The following PDHX variants were observed in gnomAD, a reference collection of about 807,000 sequenced individuals.
PDHX encodes the protein pyruvate dehydrogenase protein X component, mitochondrial.
In PDHX, 33 loss-of-function variants were observed where a neutral mutation model predicts 55.3. The observed-to-expected ratio is 0.60, with a 90% CI of 0.45 to 0.80. The LOEUF is 0.80. Ranked by LOEUF, PDHX falls within the 30% of genes least tolerant of loss-of-function variation. The pLI, the probability that PDHX is intolerant of heterozygous loss-of-function variation, is 0.00. For synonymous variants in PDHX, 226 were observed against 219.4 expected (o/e 1.03, Z -0.27); for missense variants, 622 against 619.9 (o/e 1.00, Z -0.04).
At position 34,942,639 on chromosome 11, in the gene PDHX, C is replaced by G. The variant is rs559283866; in HGVS notation, c.242-4867C>G. On this transcript the variant is annotated intron_variant, in intron 2 of 10. Coordinates refer to ENST00000227868, the MANE Select transcript of PDHX (RefSeq NM_003477.3). ...AAATATTCATGGCTCATTATTTGCT[C>G]TCAGAGTTTTCTTTTGGCATTTACA... 1.2e-3 allele frequency among the ~76,000 whole-genome samples: 180 copies of G among 152,252 alleles called. 3 individuals carry two copies. The highest frequency in any genetic ancestry group is 5.6e-3 in the South Asian group (27 of 4,832).
At chr11:34,986,281 G>A (rs1855639735) in intron 9 of PDHX, among the ~76,000 whole-genome samples, 1 of 148,000 alleles carries the variant, frequency 6.8e-6, no homozygotes, top group African/African-American at 2.5e-5. Flanking sequence ...ACTGCAGCCT[G>A]GATGACAGAG....
chr11:34,960,252 A>G (rs1223125576), intron 4 of PDHX, among the ~76,000 whole-genome samples, 168 bp from the exon 5 acceptor site: 1 of 152,250 alleles, frequency 6.6e-6, no homozygotes, highest in Non-Finnish European at 1.5e-5. Context: ...TAAAGAATAA[A>G]ATAAACCAAA....
chr11:34,977,938 A>G, intron 7 of PDHX, 186 bp from the exon 8 acceptor site: 1 of 606,336 alleles, frequency 1.6e-6, no homozygotes, highest in Middle Eastern at 3.2e-4. Flanking sequence ...AATATTATTG[A>G]TCCAGGACCT....
chr11:34,992,359 A>G lies in PDHX; in HGVS notation c.1227A>G (p.Glu409=). Residue 409 remains glutamate (E), a synonymous_variant, in exon 10 of 11, where the codon GAA becomes GAG. Coordinates refer to ENST00000227868, the MANE Select transcript of PDHX (RefSeq NM_003477.3). The stretch of plus-strand genomic sequence containing the variant: ...GAGATGGAAAATTGTTGCCTGAAGA[A>G]TACCAAGGAGGATCTTTTAGGTAAA... ...KARDGKLLPE[E]YQGGSFSISN... The G allele has an allele frequency of 6.3e-7, 1 of 1,595,880 alleles. No homozygotes were observed. Among genetic ancestry groups the G allele is most frequent in the Non-Finnish European group, 8.6e-7 (1 of 1,164,000 alleles).
intron 7 of PDHX, among the ~76,000 whole-genome samples, chr11:34,971,831 A>G (rs1251447592): frequency 6.6e-6 from 1 of 152,050 alleles, no homozygotes; most frequent in Non-Finnish European, 1.5e-5. Flanking sequence ...AAGAGTTTGG[A>G]TACAATTGGT....
At chr11:34,955,039 T>C (rs1433104140) in intron 3 of PDHX, among the ~76,000 whole-genome samples, 2 of 152,206 alleles carry the variant, frequency 1.3e-5, no homozygotes, top group African/African-American at 4.8e-5. Context: ...TAGAGCTATG[T>C]GTAAAAACCC....
At chr11:34,927,228 G>A (rs1468298882) in intron 1 of PDHX, among the ~76,000 whole-genome samples, 2 of 147,452 alleles carry the variant, frequency 1.4e-5, no homozygotes, top group African/African-American at 2.5e-5. Flanking sequence ...ACTACAAAAC[G>A]TTAAATTTTA....
intron 4 of PDHX, 53 bp downstream of exon 4, chr11:34,957,636 T>G (rs572846760): frequency 3.9e-5 from 54 of 1,367,408 alleles, no homozygotes. Flanking sequence ...TTATGGCAGT[T>G]CTTATGGAAT....
chr11:34,933,634 C>T (rs886706673), intron 2 of PDHX, among the ~76,000 whole-genome samples: 2 of 152,146 alleles, frequency 1.3e-5, no homozygotes, highest in Admixed American at 1.3e-4. Flanking sequence ...TCGCAGTAAG[C>T]ACCCCTAGAA....
intron 2 of PDHX, among the ~76,000 whole-genome samples, chr11:34,942,239 G>T (rs1320109664): frequency 6.6e-6 from 1 of 152,154 alleles, no homozygotes; most frequent in Non-Finnish European, 1.5e-5. Context: ...TGGTAGAAAT[G>T]ACAGAATATG....
chr11:34,980,352 C>CTTTTGTTTTTTTTTTTT (rs1855481832), intron 8 of PDHX, among the ~76,000 whole-genome samples: 1 of 74,822 alleles, frequency 1.3e-5, no homozygotes, highest in African/African-American at 5.0e-5. Context: ...AAGATAGTTT[C>CTTTTGTTTTTTTTTTTT]TTTTTTTTTT....
At chr11:34,923,021 A>C (rs991932658) in intron 1 of PDHX, among the ~76,000 whole-genome samples, 3 of 152,170 alleles carry the variant, frequency 2.0e-5, no homozygotes, top group African/African-American at 7.2e-5. Flanking sequence ...CAAGAAGGAC[A>C]GTATTCCAAG....
At chr11:34,977,153 G>C (rs554433183) in intron 7 of PDHX, among the ~76,000 whole-genome samples, 1 of 152,174 alleles carries the variant, frequency 6.6e-6, no homozygotes, top group Non-Finnish European at 1.5e-5. Flanking sequence ...CCTTTCTGTA[G>C]TCTCCAGGAT....
chr11:34,940,975 A>G (rs935671753), intron 2 of PDHX, among the ~76,000 whole-genome samples: 4 of 152,234 alleles, frequency 2.6e-5, no homozygotes, highest in Non-Finnish European at 5.9e-5. Flanking sequence ...GAATTTTTAA[A>G]TTAGTGAATG....
chr11:34,987,927 T>A (rs1236422771), intron 9 of PDHX, among the ~76,000 whole-genome samples: 2 of 152,214 alleles, frequency 1.3e-5, no homozygotes, highest in African/African-American at 2.4e-5. Flanking sequence ...AATGTGGTTA[T>A]ATTTTACCGC....
rs1855604053 is a variant in PDHX at position 34,984,741 on chromosome 11, A to G, written c.1182+13A>G. On this transcript the variant is annotated intron_variant, in intron 9 of 10. Transcript: ENST00000227868. Reference sequence around the variant, plus strand: ...TGACTCTGTAAAGGTATGTCTTAAGAAAGAGTGTGCTTTCAAAATGTTAGC... The same window carrying G: ...TGACTCTGTAAAGGTATGTCTTAAGGAAGAGTGTGCTTTCAAAATGTTAGC... 3.1e-6 allele frequency: 5 copies of G among 1,612,356 alleles called. No individual in the cohort carries two copies. The Admixed American group carries it at 8.3e-5, about 27-fold the overall frequency.
intron 2 of PDHX, among the ~76,000 whole-genome samples, chr11:34,945,869 C>T (rs921029793): frequency 2.0e-5 from 3 of 151,980 alleles, no homozygotes; most frequent in Non-Finnish European, 2.9e-5. Context: ...ATCCGTATGC[C>T]CCCTGCTAGT....
intron 1 of PDHX, among the ~76,000 whole-genome samples, chr11:34,923,002 G>A (rs1022721562): frequency 7.2e-5 from 11 of 151,800 alleles, no homozygotes; most frequent in African/African-American, 2.7e-4. Flanking sequence ...TAATTTTATA[G>A]TTTAATACCA....
intron 2 of PDHX, among the ~76,000 whole-genome samples, chr11:34,939,396 C>G (rs1407201426): frequency 6.6e-6 from 1 of 152,110 alleles, no homozygotes; most frequent in Non-Finnish European, 1.5e-5. Flanking sequence ...ATTCAATGGA[C>G]AGCAGTTCAG....
Sources: allele counts gnomAD v4.1 joint callset (sites outside exome capture counted in the v4.1 genomes callset), GRCh38; gene constraint gnomAD v4.1.1; transcripts MANE v1.5; gene names NCBI Gene and HGNC (gene_info 2026-07-23, HGNC 2026-07-21).